Variants in FBXO34 observed in about 807,000 individuals in gnomAD.
FBXO34 encodes F-box protein 34, also known as F-box only protein 34.
FBXO34 carries 12 observed loss-of-function variants against 24.5 expected under a neutral mutation model. The observed-to-expected ratio is 0.49, with a 90% CI of 0.31 to 0.79. The LOEUF (loss-of-function observed/expected upper bound fraction) is 0.79, where lower values mean the gene tolerates loss of function less well. Ranked by LOEUF, FBXO34 falls within the 30% of genes least tolerant of loss-of-function variation. The pLI, the probability that FBXO34 is intolerant of heterozygous loss-of-function variation, is 0.04. For missense variants in FBXO34, 823 were observed against 857.7 expected (o/e 0.96, Z 0.51); for synonymous variants, 320 against 311.9 (o/e 1.03, Z -0.27).
At chr14:55,319,672 A>G (rs1297105263) in intron 1 of FBXO34, among the ~76,000 whole-genome samples, 1 of 152,042 alleles carries the variant, frequency 6.6e-6, no homozygotes, top group African/African-American at 2.4e-5. Flanking sequence ...GAAAGGATTT[A>G]TTTTTCCTGA....
the FBXO34 span, among the ~76,000 whole-genome samples, chr14:55,401,985 G>A: frequency 6.6e-6 from 1 of 152,204 alleles, no homozygotes; most frequent in Non-Finnish European, 1.5e-5. Flanking sequence ...ATGAATGCGA[G>A]TCTCACTTCC....
the FBXO34 span, among the ~76,000 whole-genome samples, chr14:55,429,242 T>G: frequency 6.6e-6 from 1 of 152,248 alleles, no homozygotes; most frequent in African/African-American, 2.4e-5. Context: ...TACTTTTACT[T>G]GGGTGTTATT....
At chr14:55,375,340 T>C in the FBXO34 span, among the ~76,000 whole-genome samples, 2 of 152,134 alleles carry the variant, frequency 1.3e-5, no homozygotes, top group African/African-American at 2.4e-5. Flanking sequence ...ATCTTTTTCT[T>C]TGTGAAGAGA....
chr14:55,342,805 A>G (rs1008262283), intron 1 of FBXO34, among the ~76,000 whole-genome samples: 1 of 152,228 alleles, frequency 6.6e-6, no homozygotes, highest in African/African-American at 2.4e-5. Flanking sequence ...AAACTGACCT[A>G]GTTTGAAAGA....
the FBXO34 span, chr14:55,377,810 T>C: frequency 6.4e-7 from 1 of 1,553,740 alleles, no homozygotes. Context: ...GCAACAAATA[T>C]CTTCTTACCT....
the FBXO34 span, among the ~76,000 whole-genome samples, chr14:55,423,059 G>A: frequency 6.6e-6 from 1 of 151,928 alleles, no homozygotes; most frequent in Non-Finnish European, 1.5e-5. Context: ...CAAATCCCGA[G>A]AAAATACAAG....
the FBXO34 span, chr14:55,435,762 A>G: frequency 1.0e-6 from 1 of 989,044 alleles, no homozygotes. Flanking sequence ...GAAAAAACAG[A>G]GGAATTAGTC....
chr14:55,322,000 G>A (rs117096218), intron 1 of FBXO34, among the ~76,000 whole-genome samples: 494 of 152,262 alleles, frequency 3.2e-3, no homozygotes, highest in Non-Finnish European at 5.6e-3. Flanking sequence ...ACTTGCCTCC[G>A]CAAATATCCA....
At chr14:55,403,670 AAAC>A in the FBXO34 span, among the ~76,000 whole-genome samples, 21 of 152,330 alleles carry the variant, frequency 1.4e-4, no homozygotes, top group African/African-American at 4.6e-4. Context: ...TTAAATGACA[AAAC>A]AACAACAACA....
chr14:55,295,458 G>C (rs1176532659), intron 1 of FBXO34, among the ~76,000 whole-genome samples: 16 of 137,252 alleles, frequency 1.2e-4, no homozygotes. Flanking sequence ...GGAGTGGTGT[G>C]ATCTTGACTC....
At chr14:55,380,789 T>C in the FBXO34 span, 1 of 709,052 alleles carries the variant, frequency 1.4e-6, no homozygotes, top group Non-Finnish European at 2.2e-6. Context: ...ATGATAGCAC[T>C]GTTACGTTTT....
intron 1 of FBXO34, among the ~76,000 whole-genome samples, chr14:55,278,154 G>A (rs1881406866): frequency 6.6e-6 from 1 of 152,066 alleles, no homozygotes; most frequent in African/African-American, 2.4e-5. Context: ...CCCATACTTA[G>A]GTCATATGTG....
chr14:55,277,493 T>A (rs966337869), intron 1 of FBXO34, among the ~76,000 whole-genome samples: 4 of 152,044 alleles, frequency 2.6e-5, no homozygotes, highest in African/African-American at 9.7e-5. Context: ...GCTGCTTTTT[T>A]TTTTATTATT....
chr14:55,409,918 G>A, the FBXO34 span, among the ~76,000 whole-genome samples: 2 of 152,232 alleles, frequency 1.3e-5, no homozygotes, highest in South Asian at 4.1e-4. Flanking sequence ...ATAAGTTTAT[G>A]TCTCTGGTAG....
At chr14:55,327,079 T>C (rs545159707) in intron 1 of FBXO34, among the ~76,000 whole-genome samples, 1 of 152,064 alleles carries the variant, frequency 6.6e-6, no homozygotes, top group East Asian at 1.9e-4. Context: ...ATAGGGAGTG[T>C]GGGGAATAGT....
chr14:55,366,975 G>C (rs1481880679), intron 2 of FBXO34: 1 of 152,638 alleles, frequency 6.6e-6, no homozygotes, highest in Non-Finnish European at 1.5e-5. Flanking sequence ...AAGCCAGTAT[G>C]TTGGTGTTCA....
In FBXO34 at chr14:55,350,571, C is replaced by A. The variant is rs1465269718; in HGVS notation, c.181C>A (p.Pro61Thr). ...TCTCGGTAAAGCATCATCTCGAAAG[C>A]CATTTGGGATCCTTTCTCCAAATGT... ...ASLGKASSRK[P>T]FGILSPNVLC... The change falls in exon 2 of 2, where the codon CCA becomes ACA. Residue 61 changes from proline to threonine, a missense_variant. Pro to Thr is a conservative substitution (Grantham distance 38, BLOSUM62 -1). Transcript: ENST00000313833. The A allele has an allele frequency of 1.5e-5, 24 of 1,612,500 alleles. No individual in the cohort carries two copies. Among genetic ancestry groups the A allele is most frequent in the Non-Finnish European group, 2.0e-5 (24 of 1,179,524 alleles).
the FBXO34 span, chr14:55,390,923 C>G: frequency 6.3e-7 from 1 of 1,596,244 alleles, no homozygotes; most frequent in South Asian, 1.1e-5. Flanking sequence ...TTCTCCATTT[C>G]TTCATTTCCT....
At chr14:55,328,118 G>A (rs980435899) in intron 1 of FBXO34, among the ~76,000 whole-genome samples, 1 of 151,166 alleles carries the variant, frequency 6.6e-6, no homozygotes, top group Non-Finnish European at 1.5e-5. Flanking sequence ...CACCATGATC[G>A]GCTAATTTTT....
Sources: allele counts gnomAD v4.1 joint callset (sites outside exome capture counted in the v4.1 genomes callset), GRCh38; gene constraint gnomAD v4.1.1; transcripts MANE v1.5; gene names NCBI Gene and HGNC (gene_info 2026-07-23, HGNC 2026-07-21).